Variants in GPC3 observed in about 807,000 individuals in gnomAD.
GPC3 encodes glypican-3.
A neutral mutation model predicts 34.4 loss-of-function variants in GPC3; 3 were observed. The ratio of observed to expected loss-of-function variants is 0.09; its 90% CI spans 0.04 to 0.23. GPC3 has a LOEUF of 0.23. GPC3 is among the 10% of genes least tolerant of loss of function. The pLI is 1.00. For missense variants in GPC3, 351 were observed against 445.6 expected (o/e 0.79, Z 1.91); for synonymous variants, 177 against 174.0 (o/e 1.02, Z -0.13).
chrX:133,799,574 T>G (rs1363294864), intron 2 of GPC3, among the ~76,000 whole-genome samples: 2 of 111,562 alleles, frequency 1.8e-5, no homozygotes, highest in African/African-American at 6.5e-5. Flanking sequence ...GCTACATAGC[T>G]TTTGTACGTG....
At position 133,596,478 on chromosome X, in the gene GPC3, C is replaced by T. The variant is rs1162314906; in HGVS notation, c.1535G>A (p.Gly512Glu). ...GAGCTGATTCTTCACTTTTATCATT[C>T]CATCACCAGAGCCTCCAATGCACTC... The part of the protein sequence containing the change: ...EDECIGGSGD[G>E]MIKVKNQLRF... The change falls in exon 7 of 8, where the codon GGA (glycine) becomes GAA (glutamate). Residue 512 changes from glycine (G) to glutamate (E), a missense_variant. Physicochemically the swap from Gly to Glu is moderately conservative, Grantham distance 98. Transcript: ENST00000370818. 3 of 1,207,952 alleles carry T rather than the reference C, an allele frequency of 2.5e-6. No individual in the cohort carries two copies. The African/African-American group carries it at 5.3e-5, about 21-fold the overall frequency.
At chrX:133,912,313 C>A (rs1242215777) in intron 2 of GPC3, among the ~76,000 whole-genome samples, 1 of 112,074 alleles carries the variant, frequency 8.9e-6, no homozygotes, top group Non-Finnish European at 1.9e-5. Flanking sequence ...AAGAGCAAGT[C>A]CTAAGGATTG....
At chrX:133,659,072 A>T (rs2070694401) in intron 6 of GPC3, among the ~76,000 whole-genome samples, 1 of 112,524 alleles carries the variant, frequency 8.9e-6, no homozygotes, top group South Asian at 3.7e-4. Context: ...AGTGCCTGTC[A>T]TGCACATGCA....
intron 6 of GPC3, among the ~76,000 whole-genome samples, chrX:133,639,584 C>G (rs1265986936): frequency 8.9e-6 from 1 of 111,938 alleles, no homozygotes; most frequent in Non-Finnish European, 1.9e-5. Context: ...CACAGAATGT[C>G]TGTGTCAGAA....
chrX:133,755,672 GA>G (rs985491088), intron 2 of GPC3, among the ~76,000 whole-genome samples: 4 of 111,842 alleles, frequency 3.6e-5, no homozygotes, highest in African/African-American at 6.5e-5. Flanking sequence ...TGTCCCTGGG[GA>G]AAAAAAATCT....
intron 3 of GPC3, among the ~76,000 whole-genome samples, chrX:133,719,731 G>A (rs59573865): frequency 0.068 from 7,604 of 112,120 alleles, 653 homozygotes; most frequent in African/African-American, 0.23. Context: ...TAATTAAACT[G>A]AAAAGCTTCT....
intron 6 of GPC3, among the ~76,000 whole-genome samples, chrX:133,615,781 C>CA (rs759260549): frequency 1.5e-4 from 15 of 99,246 alleles, no homozygotes; most frequent in Admixed American, 3.2e-4. Flanking sequence ...AAATGCAATC[C>CA]AAAAAAAAAA....
intron 5 of GPC3, chrX:133,671,408 C>T (rs765981546): frequency 1.8e-4 from 91 of 494,605 alleles, no homozygotes; most frequent in South Asian, 8.0e-4. Flanking sequence ...ATGTTATCTG[C>T]GGCCATTGTG....
Position 133,553,156 on chromosome X carries a change from T to C in GPC3, c.1574-16863A>G, listed in dbSNP as rs372550554. On this transcript the variant is annotated intron_variant, in intron 7 of 7. Transcript: ENST00000370818. ...TTACAACTAAGAAGGGGCAGAAGTT[T>C]TCCATTTTGTTTTTACCTAACTATA... 7.1e-5 allele frequency among the ~76,000 whole-genome samples: 8 copies of C among 112,080 alleles called. No homozygotes were observed. In the East Asian group the frequency reaches 1.1e-3, roughly 16 times the overall value.
intron 1 of GPC3, among the ~76,000 whole-genome samples, chrX:133,961,905 C>G (rs1253369868): frequency 8.9e-6 from 1 of 111,957 alleles, no homozygotes; most frequent in Non-Finnish European, 1.9e-5. Flanking sequence ...TGCCTCTATA[C>G]CCTTCTCCAC....
At chrX:133,587,823 T>G (rs183569998) in intron 7 of GPC3, among the ~76,000 whole-genome samples, 1 of 111,778 alleles carries the variant, frequency 8.9e-6, no homozygotes, top group African/African-American at 3.3e-5. Flanking sequence ...TCAGGAAATA[T>G]TTTATCACCA....
At chrX:133,805,104 A>G (rs1378878226) in intron 2 of GPC3, among the ~76,000 whole-genome samples, 1 of 112,145 alleles carries the variant, frequency 8.9e-6, no homozygotes. Flanking sequence ...TTCGTCCTTG[A>G]GTTGTGTTGA....
chrX:133,593,354 T>TAAA (rs1186766438), intron 7 of GPC3, among the ~76,000 whole-genome samples: 5 of 47,685 alleles, frequency 1.0e-4, no homozygotes, highest in Admixed American at 2.7e-4. Context: ...AAAAAAAAAG[T>TAAA]AAAAAAAAAA....
intron 3 of GPC3, among the ~76,000 whole-genome samples, chrX:133,753,034 T>TA (rs1165604832): frequency 8.9e-6 from 1 of 111,866 alleles, no homozygotes; most frequent in Non-Finnish European, 1.9e-5. Context: ...TCCTCATTTA[T>TA]AAAATGAAGA....
At chrX:133,566,204 C>T in intron 7 of GPC3, among the ~76,000 whole-genome samples, 1 of 112,009 alleles carries the variant, frequency 8.9e-6, no homozygotes, top group Non-Finnish European at 1.9e-5. Flanking sequence ...ATGTGCACTG[C>T]TGGCCCATTA....
chrX:133,549,026 C>G lies in GPC3; in HGVS notation c.1574-12733G>C, dbSNP rs139185639. On this transcript the variant is annotated intron_variant, in intron 7 of 7. Coordinates refer to ENST00000370818, the MANE Select transcript of GPC3 (RefSeq NM_004484.4). ...CATAAAAATGGACTAATACACTCAT[C>G]ATCAATGGGATTTGGAGAATTGAGA... 4.7e-4 allele frequency among the ~76,000 whole-genome samples: 53 copies of G among 111,681 alleles called. No homozygotes were observed. The East Asian group carries it at 0.015, about 31-fold the overall frequency.
chrX:133,846,732 T>C (rs950854319), intron 2 of GPC3, among the ~76,000 whole-genome samples: 4 of 112,053 alleles, frequency 3.6e-5, no homozygotes, highest in African/African-American at 1.3e-4. Flanking sequence ...CAGAATAGCT[T>C]ATATTTGTAG....
At chrX:133,804,479 C>T (rs2075626380) in intron 2 of GPC3, among the ~76,000 whole-genome samples, 1 of 106,221 alleles carries the variant, frequency 9.4e-6, no homozygotes, top group African/African-American at 3.4e-5. Flanking sequence ...CAGCCCTGAC[C>T]TTTTTTTTTT....
intron 2 of GPC3, among the ~76,000 whole-genome samples, chrX:133,927,135 G>A (rs750261327): frequency 9.0e-6 from 1 of 111,295 alleles, no homozygotes; most frequent in South Asian, 3.8e-4. Context: ...CTTTGGCACT[G>A]TAAGAGAAAA....
Sources: gnomAD v4.1 joint callset for allele counts (sites outside exome capture counted in the v4.1 genomes callset) on GRCh38, gnomAD v4.1.1 for gene constraint, MANE v1.5 for transcripts, NCBI Gene and HGNC (gene_info 2026-07-23, HGNC 2026-07-21) for gene names.